Variants in TAOK3 observed in about 807,000 individuals in gnomAD.
The protein encoded by TAOK3 is serine/threonine-protein kinase TAO3.
TAOK3 carries 40 observed loss-of-function variants against 120.4 expected under a neutral mutation model. The observed-to-expected ratio is 0.33, with a 90% CI of 0.26 to 0.43. The LOEUF (loss-of-function observed/expected upper bound fraction) is 0.43. Among genes scored for constraint, TAOK3 ranks in the 20% least tolerant of loss-of-function variants. The pLI is 1.00. For missense variants in TAOK3, 821 were observed against 1,112.1 expected (o/e 0.74, Z 3.72); for synonymous variants, 355 against 387.5 (o/e 0.92, Z 0.99).
In TAOK3 at chr12:118,371,889, C is replaced by T. The variant is rs1478907952; in HGVS notation, c.-194+759G>A. On this transcript the variant is annotated intron_variant, in intron 1 of 20. Transcript: ENST00000392533. The surrounding 1 kb of genome is among the most constrained non-coding windows in gnomAD (Gnocchi z 5.5). ...GCTGTCCCGAGCCCTCTGGGGGTCC[C>T]CTCCTCTCACCCCGCTGTCCTGGCC... Among the ~76,000 whole-genome samples the T allele has an allele frequency of 1.3e-5, 2 of 152,054 alleles. No homozygotes were observed. Among genetic ancestry groups the T allele is most frequent in the Non-Finnish European group, 2.9e-5 (2 of 67,974 alleles).
intron 1 of TAOK3, among the ~76,000 whole-genome samples, chr12:118,283,291 C>CTCAT (rs942532866): frequency 1.5e-4 from 23 of 152,322 alleles, no homozygotes; most frequent in Non-Finnish European, 2.6e-4. Context: ...TCACCAGAAA[C>CTCAT]TCATTACCTA....
chr12:118,231,282 T>C (rs1214336204), intron 9 of TAOK3, among the ~76,000 whole-genome samples: 6 of 152,228 alleles, frequency 3.9e-5, no homozygotes, highest in Non-Finnish European at 5.9e-5. Flanking sequence ...TCTTTCACTG[T>C]ATGTCTTTTT....
chr12:118,360,739 A>T (rs1286613904), intron 1 of TAOK3, among the ~76,000 whole-genome samples: 1 of 152,216 alleles, frequency 6.6e-6, no homozygotes, highest in African/African-American at 2.4e-5. Context: ...ATATATAATG[A>T]GGAAACTTCC....
rs79722007 is a variant in TAOK3 at position 118,237,194 on chromosome 12, G to T, written c.437+879C>A. Reference sequence around the variant, plus strand: ...TTCTGCTTTTGTGGTACCAGTAAGTGGTCATGGCTACACTGGGGTGATTAA... The same window carrying T: ...TTCTGCTTTTGTGGTACCAGTAAGTTGTCATGGCTACACTGGGGTGATTAA... On this transcript the variant is annotated intron_variant, in intron 7 of 20. Coordinates refer to ENST00000392533, the MANE Select transcript of TAOK3 (RefSeq NM_016281.4). Among the ~76,000 whole-genome samples, 1,064 of 152,242 alleles carry T rather than the reference G, an allele frequency of 7.0e-3. 16 individuals are homozygous for T. Among genetic ancestry groups the T allele is most frequent in the African/African-American group, 0.025 (1,018 of 41,548 alleles).
chr12:118,310,241 G>A (rs893753942), intron 1 of TAOK3, among the ~76,000 whole-genome samples: 2 of 152,196 alleles, frequency 1.3e-5, no homozygotes, highest in African/African-American at 4.8e-5. Flanking sequence ...CCGTGATCGT[G>A]CCACTGCACT....
intron 14 of TAOK3, among the ~76,000 whole-genome samples, 188 bp from the exon 15 acceptor site, chr12:118,181,795 A>C (rs1401542420): frequency 2.6e-5 from 4 of 152,250 alleles, no homozygotes; most frequent in Non-Finnish European, 1.5e-5. Flanking sequence ...TTTTATCCCT[A>C]GTCCTCAAAA....
intron 14 of TAOK3, among the ~76,000 whole-genome samples, chr12:118,188,051 G>T (rs182350691): frequency 6.6e-6 from 1 of 152,276 alleles, no homozygotes; most frequent in Admixed American, 6.5e-5. Context: ...GGTAGGAGAG[G>T]TCATGAATAT....
At chr12:118,349,368 T>C (rs1373958147) in intron 1 of TAOK3, among the ~76,000 whole-genome samples, 1 of 152,168 alleles carries the variant, frequency 6.6e-6, no homozygotes, top group Admixed American at 6.5e-5. Flanking sequence ...AAAATATCCA[T>C]CAACTCTTGA....
chr12:118,149,916 A>G lies in TAOK3; in HGVS notation c.*1081T>C, dbSNP rs1333002923. 6.6e-6 allele frequency: 1 copy of G among 151,726 alleles called. No individual in the cohort carries two copies. The highest frequency in any genetic ancestry group is 1.5e-5 in the Non-Finnish European group (1 of 67,956). The allele number at this position is 151,726 out of a possible 1,614,324, so 9.4% of individuals were successfully genotyped here. A position where few individuals can be genotyped will look rare whatever the true frequency, so the allele number is the denominator to read the frequency against. On this transcript the variant is annotated 3_prime_UTR_variant, in exon 21 of 21. Transcript: ENST00000392533. ...TTTAAAGTGCATGCAAAAGAAGTAA[A>G]GCCTTTTTTTTTTTCATCATTTTTT...
intron 1 of TAOK3, among the ~76,000 whole-genome samples, chr12:118,307,245 T>C (rs1212839147): frequency 6.6e-6 from 1 of 151,622 alleles, no homozygotes; most frequent in Non-Finnish European, 1.5e-5. Context: ...TCTGGAGTCC[T>C]CATAGTTTTC....
chr12:118,203,258 T>TA (rs937568443), intron 11 of TAOK3, among the ~76,000 whole-genome samples: 8 of 151,422 alleles, frequency 5.3e-5, no homozygotes, highest in Non-Finnish European at 8.9e-5. Flanking sequence ...TTTCCCCAAT[T>TA]AAAAAAAAGG....
At chr12:118,362,053 T>C (rs2045615483) in intron 1 of TAOK3, among the ~76,000 whole-genome samples, 1 of 152,122 alleles carries the variant, frequency 6.6e-6, no homozygotes, top group African/African-American at 2.4e-5. Context: ...TAACGAAACC[T>C]TTTTAGCCAA....
At chr12:118,220,588 A>T (rs2039181943) in intron 9 of TAOK3, among the ~76,000 whole-genome samples, 1 of 152,086 alleles carries the variant, frequency 6.6e-6, no homozygotes, top group Non-Finnish European at 1.5e-5. Flanking sequence ...GCATAGGAGA[A>T]ACAGTGAAAC....
At chr12:118,317,079 A>T (rs2140908336) in intron 1 of TAOK3, among the ~76,000 whole-genome samples, 1 of 152,082 alleles carries the variant, frequency 6.6e-6, no homozygotes, top group South Asian at 2.1e-4. Context: ...CCTGGCCAAC[A>T]TGGCGAAGCC....
intron 3 of TAOK3, among the ~76,000 whole-genome samples, chr12:118,250,323 A>C (rs2040693961): frequency 6.6e-6 from 1 of 152,202 alleles, no homozygotes; most frequent in Non-Finnish European, 1.5e-5. Context: ...TCATCAAGTT[A>C]ATAATTTCTG....
intron 2 of TAOK3, among the ~76,000 whole-genome samples, chr12:118,258,276 A>C (rs1311854614): frequency 1.3e-5 from 2 of 152,168 alleles, no homozygotes; most frequent in African/African-American, 4.8e-5. Context: ...TCCCTCCGCC[A>C]ACAATGCACC....
chr12:118,187,840 G>C (rs1387808878), intron 14 of TAOK3, among the ~76,000 whole-genome samples: 13 of 152,118 alleles, frequency 8.5e-5, no homozygotes, highest in African/African-American at 3.1e-4. Context: ...TCTCTGGATG[G>C]GCACTAGGAA....
chr12:118,265,394 G>GAAA (rs35810306), intron 2 of TAOK3, among the ~76,000 whole-genome samples: 22 of 68,562 alleles, frequency 3.2e-4, no homozygotes, highest in South Asian at 4.9e-4. Context: ...GTCTCAGGAA[G>GAAA]AAAAAAAAAA....
intron 9 of TAOK3, among the ~76,000 whole-genome samples, chr12:118,216,759 T>C (rs2038922465): frequency 6.6e-6 from 1 of 151,798 alleles, no homozygotes; most frequent in Non-Finnish European, 1.5e-5. Flanking sequence ...AAACCCTGTC[T>C]CTACTAAAAA....
Sources: allele counts gnomAD v4.1 joint callset (sites outside exome capture counted in the v4.1 genomes callset), GRCh38; gene constraint gnomAD v4.1.1; non-coding constraint Gnocchi (gnomAD v3.1); transcripts MANE v1.5; gene names NCBI Gene and HGNC (gene_info 2026-07-23, HGNC 2026-07-21).